Variants in SPATS1 observed in about 807,000 individuals in gnomAD.
SPATS1 encodes spermatogenesis associated serine rich 1, also known as spermatogenesis-associated serine-rich protein 1.
SPATS1 carries 23 observed loss-of-function variants against 33.6 expected under a neutral mutation model. That is an observed-to-expected ratio of 0.68 (90% confidence interval 0.49 to 0.97). SPATS1 has a LOEUF of 0.97. Ranked by LOEUF, SPATS1 falls within the 50% of genes least tolerant of loss-of-function variation. SPATS1 has a pLI of 0.00. For missense variants in SPATS1, 327 were observed against 361.0 expected (o/e 0.91, Z 0.76); for synonymous variants, 131 against 125.6 (o/e 1.04, Z -0.29).
intron 2 of SPATS1, among the ~76,000 whole-genome samples, chr6:44,350,084 C>G (rs1788145605): frequency 1.3e-5 from 2 of 152,194 alleles, no homozygotes; most frequent in Admixed American, 6.5e-5. Context: ...GTGCTGGGGG[C>G]TGCTCTAGGC....
At chr6:44,364,264 A>C (rs1789108033) in intron 5 of SPATS1, among the ~76,000 whole-genome samples, 1 of 152,262 alleles carries the variant, frequency 6.6e-6, no homozygotes, top group Non-Finnish European at 1.5e-5. Context: ...TAATATAGTC[A>C]GTGTCCAAAT....
chr6:44,369,510 G>C (rs939525471), intron 6 of SPATS1, among the ~76,000 whole-genome samples: 2 of 151,434 alleles, frequency 1.3e-5, no homozygotes, highest in Non-Finnish European at 2.9e-5. Flanking sequence ...AGATTGCAGC[G>C]CCACACTCTA....
chr6:44,349,365 T>C (rs911948798), intron 2 of SPATS1, among the ~76,000 whole-genome samples: 2 of 149,898 alleles, frequency 1.3e-5, no homozygotes, highest in African/African-American at 4.9e-5. Flanking sequence ...ATTAGGTCAG[T>C]ATTAGGTGGA....
chr6:44,361,222 T>C, intron 4 of SPATS1: 1 of 479,172 alleles, frequency 2.1e-6, no homozygotes, highest in Non-Finnish European at 2.7e-6. Context: ...GGATCTTTTA[T>C]TGTTTAAAGT....
In SPATS1 at chr6:44,377,548, C is replaced by T; in HGVS notation, c.*485C>T. 6.0e-6 allele frequency: 1 copy of T among 167,734 alleles called. No individual in the cohort carries two copies. Among genetic ancestry groups the T allele is most frequent in the Non-Finnish European group, 1.3e-5 (1 of 77,624 alleles). The allele number at this position is 167,734 out of a possible 1,614,324, so 10.4% of individuals were successfully genotyped here. On this transcript the variant is annotated 3_prime_UTR_variant, in exon 9 of 9. Transcript: ENST00000674044. ...AATTATATTTAGTTTTCTAAGGATG[C>T]CCTCAAATCAATCATAAAATACAGA...
At chr6:44,370,245 G>A in intron 7 of SPATS1, 132 bp downstream of exon 7, 1 of 752,940 alleles carries the variant, frequency 1.3e-6, no homozygotes, top group Non-Finnish European at 2.2e-6. Flanking sequence ...GGAGGGTGGG[G>A]CAGTTTGTAA....
rs1790024645 is a variant in SPATS1 at position 44,377,402 on chromosome 6, C to A, written c.*339C>A. On this transcript the variant is annotated 3_prime_UTR_variant, in exon 9 of 9. Transcript: ENST00000674044. ...CCCTTTACACCTGTATACCTACATA[C>A]CTCAGCATGTATCTTCTAAGGTCAA... 1 of 300,198 alleles carries A rather than the reference C, an allele frequency of 3.3e-6. No homozygotes were observed. The highest frequency in any genetic ancestry group is 6.2e-6 in the Non-Finnish European group (1 of 160,042). The allele number at this position is 300,198 out of a possible 1,614,324, so 18.6% of individuals were successfully genotyped here. A position where few individuals can be genotyped will look rare whatever the true frequency, so the allele number is the denominator to read the frequency against.
intron 3 of SPATS1, among the ~76,000 whole-genome samples, chr6:44,354,334 AAAATAAAT>A (rs747479012): frequency 0.042 from 4,686 of 110,352 alleles, 262 homozygotes; most frequent in African/African-American, 0.16. Context: ...AACTTGTGTC[AAAATAAAT>A]AAATAAATAA....
chr6:44,377,086 T>C lies in SPATS1; in HGVS notation c.*23T>C, dbSNP rs1790009967. Reference sequence around the variant, plus strand: ...TGAGCATAAACAGGCCCACAAAACATGTGCTGACTGCACTCTGGCGACCCT... The same window carrying C: ...TGAGCATAAACAGGCCCACAAAACACGTGCTGACTGCACTCTGGCGACCCT... On this transcript the variant is annotated 3_prime_UTR_variant, in exon 9 of 9. Transcript: ENST00000674044. The C allele has an allele frequency of 1.2e-6, 2 of 1,614,076 alleles. No individual in the cohort carries two copies. Among genetic ancestry groups the C allele is most frequent in the African/African-American group, 1.3e-5 (1 of 74,944 alleles).
At chr6:44,345,880 G>A (rs1356452337) in intron 2 of SPATS1, among the ~76,000 whole-genome samples, 1 of 152,106 alleles carries the variant, frequency 6.6e-6, no homozygotes, top group Non-Finnish European at 1.5e-5. Context: ...AGTAAGATGG[G>A]GACATTCCCA....
chr6:44,374,713 G>A (rs181203733), intron 7 of SPATS1, among the ~76,000 whole-genome samples: 1 of 152,278 alleles, frequency 6.6e-6, no homozygotes, highest in Admixed American at 6.5e-5. Context: ...GTGTTTGATT[G>A]TTTCAACAAA....
intron 7 of SPATS1, among the ~76,000 whole-genome samples, chr6:44,374,911 C>T (rs566297726): frequency 1.3e-5 from 2 of 152,350 alleles, no homozygotes; most frequent in Non-Finnish European, 1.5e-5. Flanking sequence ...CCGTCCTCTT[C>T]GTTCTTGCAG....
intron 2 of SPATS1, among the ~76,000 whole-genome samples, chr6:44,347,654 G>A (rs894683910): frequency 6.6e-6 from 1 of 152,090 alleles, no homozygotes; most frequent in African/African-American, 2.4e-5. Context: ...GGATTTTCCA[G>A]TTTGGGATAA....
At chr6:44,342,966 T>G in intron 1 of SPATS1, 130 bp from the exon 2 acceptor site, 1 of 1,291,690 alleles carries the variant, frequency 7.7e-7, no homozygotes, top group East Asian at 2.5e-5. Flanking sequence ...GGCTCCCGTT[T>G]AGAGGCCAGT....
At position 44,380,139 on chromosome 6, in the gene SPATS1, C is replaced by T. The variant is rs544683669; in HGVS notation, c.*3076C>T. Among the ~76,000 whole-genome samples, 1 of 152,300 alleles carries T rather than the reference C, an allele frequency of 6.6e-6. No individual in the cohort carries two copies. The highest frequency in any genetic ancestry group is 2.1e-4 in the South Asian group (1 of 4,820). On this transcript the variant is annotated 3_prime_UTR_variant, in exon 9 of 9. Coordinates refer to ENST00000674044, the MANE Select transcript of SPATS1 (RefSeq NM_001372081.1). ...TGTTAGATGTAAAGATCCCCTTCACCTCACTGTAGGGTCTTTGGTAAATAA... is the reference window on the plus strand; with the variant it reads ...TGTTAGATGTAAAGATCCCCTTCACTTCACTGTAGGGTCTTTGGTAAATAA...
chr6:44,343,119 A>C lies in SPATS1; in HGVS notation c.24A>C (p.Gly8=), dbSNP rs750805977. The part of the protein sequence containing the change: MSPSMLT[G]NSPRGCRLPS... The stretch of plus-strand genomic sequence containing the variant: ...AGATGAGTCCATCCATGCTCACTGG[A>C]AACAGTCCACGGGGCTGCCGTCTCC... The change falls in exon 2 of 9, where the codon GGA becomes GGC. Residue 8 remains glycine (G), a synonymous_variant. Coordinates refer to ENST00000674044, the MANE Select transcript of SPATS1 (RefSeq NM_001372081.1). The C allele has an allele frequency of 1.1e-5, 17 of 1,614,038 alleles. No individual in the cohort carries two copies. The highest frequency in any genetic ancestry group is 1.3e-5 in the Non-Finnish European group (15 of 1,180,022).
chr6:44,368,500 G>GT lies in SPATS1; in HGVS notation c.695+2dup. The GT allele has an allele frequency of 6.2e-7, 1 of 1,610,162 alleles. No individual in the cohort carries two copies. The highest frequency in any genetic ancestry group is 8.5e-7 in the Non-Finnish European group (1 of 1,177,810). ...TGCTCCCACCAGTGAATTTTTCAAT[G>GT]TAAGTGTATGTTAATACTAGCATTA... On this transcript the variant is annotated splice_donor_variant, in intron 6 of 8. Coordinates refer to ENST00000674044, the MANE Select transcript of SPATS1 (RefSeq NM_001372081.1). LOFTEE classifies it high-confidence loss of function.
chr6:44,358,315 C>T (rs73439561), intron 3 of SPATS1, among the ~76,000 whole-genome samples: 6,387 of 152,228 alleles, frequency 0.042, 364 homozygotes, highest in African/African-American at 0.13. Flanking sequence ...AGGTTTCAGA[C>T]GCAAAGCCAT....
At chr6:44,367,555 G>A (rs1179813911) in intron 5 of SPATS1, among the ~76,000 whole-genome samples, 1 of 152,188 alleles carries the variant, frequency 6.6e-6, no homozygotes, top group Non-Finnish European at 1.5e-5. Context: ...TGGCTTTTCC[G>A]AGTTAGCTAG....
Sources: gnomAD v4.1 joint callset for allele counts (sites outside exome capture counted in the v4.1 genomes callset) on GRCh38, gnomAD v4.1.1 for gene constraint, MANE v1.5 for transcripts, NCBI Gene and HGNC (gene_info 2026-07-23, HGNC 2026-07-21) for gene names.